The following KLF8 variants were observed in gnomAD, a reference collection of about 807,000 sequenced individuals.
KLF8 encodes KLF transcription factor 8, also known as Krueppel-like factor 8.
KLF8 carries 10 observed loss-of-function variants against 18.2 expected under a neutral mutation model. The ratio of observed to expected loss-of-function variants is 0.55; its 90% CI spans 0.34 to 0.93. The LOEUF (loss-of-function observed/expected upper bound fraction) is 0.93. Ranked by LOEUF, KLF8 falls within the 40% of genes least tolerant of loss-of-function variation. The pLI, the probability that KLF8 is intolerant of heterozygous loss-of-function variation, is 0.02. For synonymous variants in KLF8, 109 were observed against 97.3 expected, an observed-to-expected ratio of 1.12 and a Z score of -0.71; for missense variants, 264 against 277.9, an observed-to-expected ratio of 0.95 and a Z score of 0.36.
At chrX:56,255,681 A>T (rs1047692767) in intron 2 of KLF8, among the ~76,000 whole-genome samples, 2 of 112,190 alleles carry the variant, frequency 1.8e-5, no homozygotes, top group African/African-American at 6.5e-5. Context: ...TTCTGTTGAT[A>T]TTATGTATCA....
At chrX:56,122,841 G>T in the KLF8 span, among the ~76,000 whole-genome samples, 1 of 110,880 alleles carries the variant, frequency 9.0e-6, no homozygotes, top group South Asian at 3.8e-4. Flanking sequence ...CTCCTGCCGA[G>T]GCCTCCCAAA....
chrX:55,947,824 C>G, the KLF8 span, among the ~76,000 whole-genome samples: 2 of 111,323 alleles, frequency 1.8e-5, no homozygotes, highest in Non-Finnish European at 1.9e-5. Flanking sequence ...AGTCATGCCC[C>G]AATATTTTAA....
chrX:56,013,488 A>T, the KLF8 span, among the ~76,000 whole-genome samples: 1 of 111,550 alleles, frequency 9.0e-6, no homozygotes, highest in East Asian at 2.8e-4. Context: ...AGGACATGAG[A>T]TTTGGGAGGG....
chrX:56,005,280 C>G, the KLF8 span, among the ~76,000 whole-genome samples: 2 of 110,702 alleles, frequency 1.8e-5, no homozygotes, highest in African/African-American at 6.6e-5. Context: ...ACCAATATGT[C>G]CCCAATTATT....
Position 56,232,644 on chromosome X carries a change from A to C in KLF8, c.-691A>C, listed in dbSNP as rs924614530. 4 of 111,460 alleles carry C rather than the reference A, an allele frequency of 3.6e-5. No individual in the cohort carries two copies. The highest frequency in any genetic ancestry group is 1.3e-4 in the African/African-American group (4 of 30,617). 9.2% of individuals were successfully genotyped at this position (111,460 alleles called of 1,213,427 possible). On this transcript the variant is annotated 5_prime_UTR_variant, in exon 1 of 6. An upstream start codon of the reference 5' UTR is lost. Transcript: ENST00000468660. ...TGCCCTGGGGCTGGTGTTCTTCTCT[A>C]TGATTCTACCAATCGTCGGCATTTT...
chrX:56,284,423 A>G lies in KLF8; in HGVS notation c.1009A>G (p.Thr337Ala), dbSNP rs1251320193. 2.5e-5 allele frequency: 30 copies of G among 1,207,512 alleles called. No homozygotes were observed. Among genetic ancestry groups the G allele is most frequent in the Middle Eastern group, 2.3e-4 (1 of 4,361 alleles). ...CACAGGCATCAAGCCTTTTCGGTGC[A>G]CAGACTGCAACCGCAGCTTTTCTCG... ...KHTGIKPFRC[T>A]DCNRSFSRSD... Residue 337 changes from threonine to alanine, a missense_variant, in exon 6 of 6, where the codon ACA becomes GCA. By Grantham distance (58) the Thr-to-Ala change is moderately conservative (BLOSUM62 0). This residue lies in a region of KLF8 where 43 missense variants were observed against 84.3 expected (regional missense o/e 0.51). Transcript: ENST00000468660.
At chrX:56,049,896 C>G in the KLF8 span, among the ~76,000 whole-genome samples, 1 of 107,536 alleles carries the variant, frequency 9.3e-6, no homozygotes. Flanking sequence ...CCATCTGGTC[C>G]TGGACTCTTT....
the KLF8 span, among the ~76,000 whole-genome samples, chrX:56,217,893 G>A: frequency 1.5e-4 from 17 of 111,450 alleles, no homozygotes; most frequent in Middle Eastern, 4.6e-3. Context: ...GTGGGTAGAG[G>A]TCCAAGCTTC....
chrX:56,003,358 C>T, the KLF8 span, among the ~76,000 whole-genome samples: 2 of 109,197 alleles, frequency 1.8e-5, no homozygotes, highest in Non-Finnish European at 3.8e-5. Context: ...TGCAGTGAGC[C>T]GAAATCATGC....
the KLF8 span, among the ~76,000 whole-genome samples, chrX:56,226,194 G>A: frequency 9.0e-6 from 1 of 111,654 alleles, no homozygotes; most frequent in East Asian, 2.8e-4. Context: ...TTGATTTCGG[G>A]GTTAGACTCT....
the KLF8 span, among the ~76,000 whole-genome samples, chrX:56,182,695 A>G: frequency 8.9e-6 from 1 of 112,506 alleles, no homozygotes; most frequent in Non-Finnish European, 1.9e-5. Context: ...AACAGTCAGG[A>G]TTCTCAGCTG....
the KLF8 span, among the ~76,000 whole-genome samples, chrX:56,104,290 G>A: frequency 4.5e-5 from 5 of 111,214 alleles, no homozygotes; most frequent in Admixed American, 3.8e-4. Context: ...AAGGAATGGT[G>A]CCAGCTCCTC....
At chrX:56,075,964 C>A in the KLF8 span, among the ~76,000 whole-genome samples, 37 of 102,764 alleles carry the variant, frequency 3.6e-4, no homozygotes, top group Admixed American at 2.6e-3. Flanking sequence ...TATACTCCCC[C>A]CACACCAGAA....
At chrX:56,041,519 T>G in the KLF8 span, among the ~76,000 whole-genome samples, 1 of 110,779 alleles carries the variant, frequency 9.0e-6, no homozygotes, top group South Asian at 3.9e-4. Context: ...CATTGACTTT[T>G]TGAATGGTTT....
chrX:56,093,995 A>G, the KLF8 span, among the ~76,000 whole-genome samples: 2 of 108,070 alleles, frequency 1.9e-5, no homozygotes, highest in Non-Finnish European at 3.9e-5. Context: ...ATGGAATTAT[A>G]TAAAGTGTTT....
the KLF8 span, among the ~76,000 whole-genome samples, chrX:56,188,677 G>A: frequency 9.0e-6 from 1 of 111,647 alleles, no homozygotes; most frequent in Non-Finnish European, 1.9e-5. Context: ...CAGACATATA[G>A]ATCAATGAAA....
At chrX:55,929,126 T>G in the KLF8 span, among the ~76,000 whole-genome samples, 1 of 112,788 alleles carries the variant, frequency 8.9e-6, no homozygotes, top group Non-Finnish European at 1.9e-5. Context: ...TGACCAATGA[T>G]GATGAGCTTT....
chrX:55,973,038 A>G, the KLF8 span, among the ~76,000 whole-genome samples: 1 of 112,554 alleles, frequency 8.9e-6, no homozygotes. Flanking sequence ...GGAGCAGATT[A>G]GGGAACCTAG....
the KLF8 span, among the ~76,000 whole-genome samples, chrX:56,215,117 C>T: frequency 0.01 from 1,129 of 111,654 alleles, 12 homozygotes; most frequent in African/African-American, 0.035. Context: ...CCAAATAAGA[C>T]GCATCTCATA....
Sources: allele counts gnomAD v4.1 joint callset (sites outside exome capture counted in the v4.1 genomes callset), GRCh38; gene constraint gnomAD v4.1.1; regional missense constraint gnomAD v4.1.1; transcripts MANE v1.5; gene names NCBI Gene and HGNC (gene_info 2026-07-23, HGNC 2026-07-21).